The following PTGER3 variants were observed in gnomAD, a reference collection of about 807,000 sequenced individuals.
PTGER3 encodes prostaglandin E2 receptor EP3 subtype.
Under a neutral mutation model 34.7 loss-of-function variants are expected in PTGER3, and 22 were observed. The observed-to-expected ratio is 0.63, with a 90% CI of 0.45 to 0.91. PTGER3 has a LOEUF of 0.91. Ranked by LOEUF, PTGER3 falls within the 40% of genes least tolerant of loss-of-function variation. PTGER3 has a pLI of 0.00. For synonymous variants in PTGER3, 241 were observed against 230.1 expected (o/e 1.05, Z -0.43); for missense variants, 468 against 519.4 (o/e 0.90, Z 0.96).
intron 2 of PTGER3, among the ~76,000 whole-genome samples, chr1:70,979,500 T>TA (rs1654046557): frequency 1.3e-5 from 2 of 151,940 alleles, no homozygotes; most frequent in South Asian, 4.1e-4. Context: ...TGGGTACAGC[T>TA]GCACGTTATC....
Position 70,872,644 on chromosome 1 carries a change from T to C in PTGER3, c.*24-19785A>G, listed in dbSNP as rs190365586. ...ATTCTATTTGACGCCAAGGTTTGTG[T>C]AGCATATATGACATCTAGACCACAA... is the stretch of plus-strand genomic sequence containing the variant. On this transcript the variant is annotated intron_variant, in intron 4 of 4. Coordinates refer to the PTGER3 transcript ENST00000370931. Among the ~76,000 whole-genome samples the C allele has an allele frequency of 2.4e-3, 370 of 152,340 alleles. 5 individuals carry two copies. Among genetic ancestry groups the C allele is most frequent in the South Asian group, 0.018 (86 of 4,826 alleles).
intron 4 of PTGER3, among the ~76,000 whole-genome samples, chr1:70,889,232 G>A (rs183236927): frequency 2.0e-5 from 3 of 151,878 alleles, no homozygotes; most frequent in South Asian, 2.1e-4. Flanking sequence ...TGGCTAACAC[G>A]GTGAAACCCC....
At chr1:70,972,358 G>C (rs554884935) in intron 3 of PTGER3, among the ~76,000 whole-genome samples, 63 of 152,162 alleles carry the variant, frequency 4.1e-4, no homozygotes, top group African/African-American at 1.5e-3. Flanking sequence ...AAAGTATTCT[G>C]TTTATTTTTT....
At chr1:70,926,988 G>T (rs547892288) in intron 4 of PTGER3, among the ~76,000 whole-genome samples, 525 of 152,298 alleles carry the variant, frequency 3.4e-3, no homozygotes, top group African/African-American at 0.012. Flanking sequence ...TACATTTATT[G>T]ATTTGTGTAT....
intron 4 of PTGER3, among the ~76,000 whole-genome samples, chr1:70,890,561 G>A (rs938332598): frequency 2.6e-5 from 4 of 152,026 alleles, no homozygotes; most frequent in East Asian, 1.9e-4. Flanking sequence ...CTTGGTAAAC[G>A]GCACAATCAT....
chr1:71,016,899 G>C, intron 1 of PTGER3, among the ~76,000 whole-genome samples: 1 of 151,632 alleles, frequency 6.6e-6, no homozygotes, highest in African/African-American at 2.4e-5. Context: ...TCCCTTCTTT[G>C]GTAAATATGG....
At chr1:70,965,774 A>G (rs906264979) in intron 2 of PTGER3, among the ~76,000 whole-genome samples, 1 of 151,978 alleles carries the variant, frequency 6.6e-6, no homozygotes, top group Non-Finnish European at 1.5e-5. Flanking sequence ...CTTTTGCTTT[A>G]TCCTGTATTT....
intron 2 of PTGER3, among the ~76,000 whole-genome samples, chr1:70,982,316 A>T (rs1654458111): frequency 6.6e-6 from 1 of 152,144 alleles, no homozygotes; most frequent in Non-Finnish European, 1.5e-5. Flanking sequence ...CACTTTGGGA[A>T]TATCATTTGT....
chr1:71,003,178 T>C (rs1656642527), intron 2 of PTGER3, among the ~76,000 whole-genome samples: 1 of 152,246 alleles, frequency 6.6e-6, no homozygotes, highest in African/African-American at 2.4e-5. Flanking sequence ...TTATTAATTA[T>C]ACATTTGTAA....
intron 2 of PTGER3, chr1:71,008,421 G>T: frequency 1.1e-6 from 1 of 882,254 alleles, no homozygotes; most frequent in Non-Finnish European, 1.4e-6. Flanking sequence ...CCCTTAAATA[G>T]AATCTTCATT....
Position 70,917,403 on chromosome 1 carries a change from T to TGTGTGTGTGTGTGTG in PTGER3, c.*23+36359_*23+36360insCACACACACACACAC, listed in dbSNP as rs1647199801. Among the ~76,000 whole-genome samples the TGTGTGTGTGTGTGTG allele has an allele frequency of 7.3e-5, 10 of 136,380 alleles. No homozygotes were observed. In the South Asian group the frequency reaches 2.0e-3, roughly 27 times the overall value. The allele number at this position is 136,380 out of a possible 152,430, so 89.5% of individuals were successfully genotyped here. ...TTTTATGGCTAAATAGTATTTTATTTTGTGTGTGTGTGTGTGTGTGTGTGT... is the reference window on the plus strand; with the variant it reads ...TTTTATGGCTAAATAGTATTTTATTTGTGTGTGTGTGTGTGTGTGTGTGTGTGTGTGTGTGTGTGT... On this transcript the variant is annotated intron_variant, in intron 4 of 4. Coordinates refer to the PTGER3 transcript ENST00000370931.
At chr1:70,977,467 T>C (rs909848) in intron 2 of PTGER3, among the ~76,000 whole-genome samples, 93,015 of 151,472 alleles carry the variant, frequency 0.61, 28,752 homozygotes, top group Middle Eastern at 0.65. Context: ...TCTGCTCACC[T>C]ACACTAGCTC....
intron 2 of PTGER3, chr1:71,007,795 TTTAA>T (rs1470937942): frequency 2.0e-6 from 2 of 985,238 alleles, no homozygotes; most frequent in African/African-American, 3.5e-5. Flanking sequence ...TTTGGCTTAC[TTTAA>T]TTAAAGGATC....
intron 2 of PTGER3, among the ~76,000 whole-genome samples, chr1:70,999,083 C>T (rs981900801): frequency 1.3e-5 from 2 of 152,074 alleles, no homozygotes; most frequent in African/African-American, 4.8e-5. Flanking sequence ...GGGTTGAATT[C>T]ATTCAAATAA....
chr1:70,943,957 G>A (rs1649992565), intron 4 of PTGER3, among the ~76,000 whole-genome samples: 1 of 151,818 alleles, frequency 6.6e-6, no homozygotes, highest in Non-Finnish European at 1.5e-5. Context: ...TGGGTTCCAT[G>A]ACATTTTTAT....
chr1:70,978,448 C>T (rs1653919641), intron 2 of PTGER3, among the ~76,000 whole-genome samples: 1 of 151,834 alleles, frequency 6.6e-6, no homozygotes, highest in African/African-American at 2.4e-5. Flanking sequence ...ATAAGCAAAA[C>T]AAAAAATTAA....
chr1:70,909,343 A>C (rs1647015526), intron 4 of PTGER3, among the ~76,000 whole-genome samples: 1 of 152,194 alleles, frequency 6.6e-6, no homozygotes, highest in African/African-American at 2.4e-5. Context: ...TGCTTTAAGC[A>C]TGAGAGGGAG....
chr1:70,988,202 G>A (rs1655102203), intron 2 of PTGER3, among the ~76,000 whole-genome samples: 1 of 152,084 alleles, frequency 6.6e-6, no homozygotes, highest in Non-Finnish European at 1.5e-5. Flanking sequence ...TAATAACATA[G>A]TAACTGTGAT....
chr1:70,931,283 G>T (rs1372540549), intron 4 of PTGER3, among the ~76,000 whole-genome samples: 1 of 152,158 alleles, frequency 6.6e-6, no homozygotes, highest in Admixed American at 6.5e-5. Flanking sequence ...CCCCCTTCTG[G>T]CTGCTGTCAC....
Sources: gnomAD v4.1 joint callset for allele counts (sites outside exome capture counted in the v4.1 genomes callset) on GRCh38, gnomAD v4.1.1 for gene constraint, MANE v1.5 for transcripts, NCBI Gene and HGNC (gene_info 2026-07-23, HGNC 2026-07-21) for gene names.